TSPAN3: variants seen among roughly 807,000 people sequenced by gnomAD.
The protein encoded by TSPAN3 is tetraspanin-3.
Under a neutral mutation model 31.1 loss-of-function variants are expected in TSPAN3, and 9 were observed. The ratio of observed to expected loss-of-function variants is 0.29; its 90% confidence interval spans 0.17 to 0.50. The LOEUF (loss-of-function observed/expected upper bound fraction) is 0.50. Among genes scored for constraint, TSPAN3 ranks in the 20% least tolerant of loss-of-function variants. The pLI is 0.98. For synonymous variants in TSPAN3, 129 were observed against 114.3 expected, an observed-to-expected ratio of 1.13 and a Z score of -0.82; for missense variants, 252 against 313.5, an observed-to-expected ratio of 0.80 and a Z score of 1.48.
chr15:77,050,343 C>T (rs1218302773), intron 6 of TSPAN3, among the ~76,000 whole-genome samples: 4 of 152,294 alleles, frequency 2.6e-5, no homozygotes, highest in African/African-American at 9.6e-5. Context: ...AATCCCTAAA[C>T]TTAAGCAGCC....
At chr15:77,056,405 G>C in intron 1 of TSPAN3, 150 bp from the exon 2 acceptor site, 2 of 573,986 alleles carry the variant, frequency 3.5e-6, no homozygotes, top group Non-Finnish European at 2.9e-6. Context: ...CTTGTTAAGA[G>C]CATTTCTATA....
intron 3 of TSPAN3, 35 bp from the exon 4 acceptor site, chr15:77,054,314 T>C (rs1568541269): frequency 1.4e-6 from 2 of 1,443,258 alleles, no homozygotes; most frequent in Admixed American, 3.4e-5. Flanking sequence ...CCCTCAAAAA[T>C]ACTAGTAAAA....
Position 77,057,966 on chromosome 15 carries a change from A to C in TSPAN3, c.64-1711T>G, listed in dbSNP as rs2076778221. Among the ~76,000 whole-genome samples, 4 of 152,116 alleles carry C rather than the reference A, an allele frequency of 2.6e-5. No individual in the cohort carries two copies. The South Asian group carries it at 8.3e-4, about 32-fold the overall frequency. On this transcript the variant is annotated intron_variant, in intron 1 of 6. Coordinates refer to ENST00000267970, the MANE Select transcript of TSPAN3 (RefSeq NM_005724.6). ...CATTCCTATCATAGCAAAAGGTACCAGACATCTAATTTTTCTGGTCAAACA... is the reference window on the plus strand; with the variant it reads ...CATTCCTATCATAGCAAAAGGTACCCGACATCTAATTTTTCTGGTCAAACA...
intron 6 of TSPAN3, among the ~76,000 whole-genome samples, chr15:77,048,363 C>G (rs933963768): frequency 1.3e-5 from 2 of 152,034 alleles, no homozygotes; most frequent in Admixed American, 6.6e-5. Flanking sequence ...AAAAAAATCT[C>G]TCTTCCCACC....
intron 1 of TSPAN3, among the ~76,000 whole-genome samples, chr15:77,061,006 T>TA (rs1280029201): frequency 6.6e-6 from 1 of 152,238 alleles, no homozygotes; most frequent in African/African-American, 2.4e-5. Context: ...GCTTTTCCAC[T>TA]AAGCTGTCTA....
At chr15:77,069,193 T>G (rs1185636292) in intron 1 of TSPAN3, among the ~76,000 whole-genome samples, 1 of 152,226 alleles carries the variant, frequency 6.6e-6, no homozygotes, top group Non-Finnish European at 1.5e-5. Flanking sequence ...ACTCCTGGTT[T>G]ATAACGAGAT....
In TSPAN3 at chr15:77,046,676, T is replaced by C. The variant is rs1252065063; in HGVS notation, c.*159A>G. ...CAAGGAAAAAGAAAGTCGCAGGTAG[T>C]AGGTAAGTAGGTGGGCACATGAAAA... On this transcript the variant is annotated 3_prime_UTR_variant, in exon 7 of 7. Transcript: ENST00000267970. 1.8e-6 allele frequency: 1 copy of C among 570,974 alleles called. No individual in the cohort carries two copies. The highest frequency in any genetic ancestry group is 3.1e-6 in the Non-Finnish European group (1 of 322,274). 35.4% of individuals were successfully genotyped at this position (570,974 alleles called of 1,614,324 possible).
Position 77,056,205 on chromosome 15 carries a change from A to T in TSPAN3, c.114T>A (p.Tyr38Ter). The T allele has an allele frequency of 6.2e-7, 1 of 1,613,554 alleles. No homozygotes were observed. Among genetic ancestry groups the T allele is most frequent in the South Asian group, 1.1e-5 (1 of 90,984 alleles). ...CYVGAYVFIT[Y>*]DDYDHFFEDV... ...CTTCAAAGAAGTGGTCATAGTCATCATAAGTGATGAAGACATAGGCTCCCA... is the reference window on the plus strand; with the variant it reads ...CTTCAAAGAAGTGGTCATAGTCATCTTAAGTGATGAAGACATAGGCTCCCA... The change falls in exon 2 of 7, where the codon TAT (tyrosine) becomes TAA (stop). Residue 38 changes from tyrosine to a stop codon, truncating the protein, a stop_gained. Coordinates refer to ENST00000267970, the MANE Select transcript of TSPAN3 (RefSeq NM_005724.6). LOFTEE classifies it high-confidence loss of function.
At chr15:77,054,753 C>A (rs1305769142) in intron 3 of TSPAN3, 3 of 152,354 alleles carry the variant, frequency 2.0e-5, no homozygotes, top group Non-Finnish European at 4.4e-5. Context: ...GCTAAATGTG[C>A]AAAAGTAATC....
Position 77,053,456 on chromosome 15 carries a change from A to C in TSPAN3, c.433-527T>G, listed in dbSNP as rs896093126. Among the ~76,000 whole-genome samples, 41 of 58,198 alleles carry C rather than the reference A, an allele frequency of 7.0e-4. No individual in the cohort carries two copies. In the East Asian group the frequency reaches 0.014, roughly 20 times the overall value. 38.2% of individuals were successfully genotyped at this position (58,198 alleles called of 152,430 possible). On this transcript the variant is annotated intron_variant, in intron 4 of 6. Coordinates refer to ENST00000267970, the MANE Select transcript of TSPAN3 (RefSeq NM_005724.6). ...AGAGTGAAATTTCGCCATCTCAAAAAAAAAAAAAAAAAAAAAAAAAAAAAA... is the reference window on the plus strand; with the variant it reads ...AGAGTGAAATTTCGCCATCTCAAAACAAAAAAAAAAAAAAAAAAAAAAAAA...
chr15:77,068,558 T>C (rs983853172), intron 1 of TSPAN3, among the ~76,000 whole-genome samples: 1 of 152,198 alleles, frequency 6.6e-6, no homozygotes, highest in African/African-American at 2.4e-5. Context: ...AATCAAATAG[T>C]TATGGCCATA....
intron 3 of TSPAN3, chr15:77,054,485 C>T (rs953752912): frequency 2.6e-6 from 1 of 390,766 alleles, no homozygotes; most frequent in East Asian, 4.4e-5. Context: ...AAAATTCAGA[C>T]ATATACCACA....
chr15:77,046,386 G>A lies in TSPAN3; in HGVS notation c.*449C>T. ...AAATATTTTTTAAAAGGACACCAAT[G>A]AGGGGCACCATCTGGTGTTAACCTT... is the stretch of plus-strand genomic sequence containing the variant. On this transcript the variant is annotated 3_prime_UTR_variant, in exon 7 of 7. Coordinates refer to ENST00000267970, the MANE Select transcript of TSPAN3 (RefSeq NM_005724.6). 2.5e-6 allele frequency: 1 copy of A among 402,820 alleles called. No homozygotes were observed. The highest frequency in any genetic ancestry group is 4.4e-6 in the Non-Finnish European group (1 of 228,204). The allele number at this position is 402,820 out of a possible 1,614,324, so 25.0% of individuals were successfully genotyped here. A position where few individuals can be genotyped will look rare whatever the true frequency, so the allele number is the denominator to read the frequency against.
chr15:77,062,634 A>G (rs2076807307), intron 1 of TSPAN3, among the ~76,000 whole-genome samples: 1 of 152,238 alleles, frequency 6.6e-6, no homozygotes, highest in African/African-American at 2.4e-5. Flanking sequence ...TTTTTTGGAA[A>G]CAATCTGGCA....
At chr15:77,050,842 C>G (rs1244955829) in intron 6 of TSPAN3, among the ~76,000 whole-genome samples, 2 of 152,130 alleles carry the variant, frequency 1.3e-5, no homozygotes, top group Non-Finnish European at 2.9e-5. Context: ...GGGCAAAGAC[C>G]ATGGCAAATA....
rs1006779995 is a variant in TSPAN3, at chr15:77,042,278, C to T, written c.*4557G>A. ...TGTATTGTTCACATTTTTTAAAGCACCAATTACTTTTGTTTAAAAAAATAC... is the reference window on the plus strand; with the variant it reads ...TGTATTGTTCACATTTTTTAAAGCATCAATTACTTTTGTTTAAAAAAATAC... On this transcript the variant is annotated 3_prime_UTR_variant, in exon 7 of 7. Transcript: ENST00000267970. The T allele has an allele frequency of 6.6e-6, 1 of 152,098 alleles. No homozygotes were observed. 9.4% of individuals were successfully genotyped at this position (152,098 alleles called of 1,614,324 possible).
At chr15:77,057,143 AT>A (rs1298388079) in intron 1 of TSPAN3, among the ~76,000 whole-genome samples, 19 of 152,218 alleles carry the variant, frequency 1.2e-4, no homozygotes, top group Admixed American at 8.5e-4. Context: ...GCTATTGTCA[AT>A]TTTGCTATCT....
At position 77,054,184 on chromosome 15, in the gene TSPAN3, C is replaced by T. The variant is rs919248455; in HGVS notation, c.426G>A (p.Gln142=). ...CTGCCTCAAGAAAGCTCACCTGTCT[C>T]TGTACATAATCAATAGCCCGGCTAG... The part of the protein sequence containing the change: ...DAASRAIDYV[Q]RQLHCCGIHN... The change falls in exon 4 of 7, where the codon CAG becomes CAA. Residue 142 remains glutamine (Q), a synonymous_variant. Transcript: ENST00000267970. 6.2e-7 allele frequency: 1 copy of T among 1,613,434 alleles called. No homozygotes were observed. Among genetic ancestry groups the T allele is most frequent in the Non-Finnish European group, 8.5e-7 (1 of 1,179,472 alleles).
chr15:77,052,337 C>T (rs1370994524), intron 6 of TSPAN3, 48 bp downstream of exon 6: 11 of 1,548,052 alleles, frequency 7.1e-6, no homozygotes, highest in Non-Finnish European at 9.8e-6. Flanking sequence ...GGGCTGACAA[C>T]AGAGAACCAA....
Sources: gnomAD v4.1 joint callset for allele counts (sites outside exome capture counted in the v4.1 genomes callset) on GRCh38, gnomAD v4.1.1 for gene constraint, MANE v1.5 for transcripts, NCBI Gene and HGNC (gene_info 2026-07-23, HGNC 2026-07-21) for gene names.